Variants in FGFR1 observed in about 807,000 individuals in gnomAD.
FGFR1 encodes FGFR1/PLAG1 fusion.
In FGFR1, 18 loss-of-function variants were observed where a neutral mutation model predicts 93.7. The observed-to-expected ratio is 0.19, with a 90% confidence interval of 0.13 to 0.28. The LOEUF is 0.28. FGFR1 is among the 10% of genes least tolerant of loss of function. The pLI is 1.00. For synonymous variants in FGFR1, 448 were observed against 429.3 expected, an observed-to-expected ratio of 1.04 and a Z score of -0.54; for missense variants, 731 against 1,080.4, an observed-to-expected ratio of 0.68 and a Z score of 4.53.
At chr8:38,445,895 T>C (rs1829120928) in intron 2 of FGFR1, among the ~76,000 whole-genome samples, 1 of 152,038 alleles carries the variant, frequency 6.6e-6, no homozygotes, top group African/African-American at 2.4e-5. Context: ...CTTCATTCAG[T>C]AGTTAGTAAA....
At chr8:38,419,383 G>T (rs868576023) in intron 9 of FGFR1, 150 bp downstream of exon 9, 165 of 751,536 alleles carry the variant, frequency 2.2e-4, no homozygotes, top group Admixed American at 5.6e-4. Context: ...ACAGACTCTA[G>T]AGCACTTAGT....
chr8:38,415,702 CTCCTGACTCTGCAGT>C (rs1816280122), intron 13 of FGFR1, 153 bp downstream of exon 13: 1 of 731,628 alleles, frequency 1.4e-6, no homozygotes. Flanking sequence ...TACACTGGTG[CTCCTGACTCTGCAGT>C]TCCCAGAGAG....
At chr8:38,454,566 C>A (rs1832143120) in intron 2 of FGFR1, among the ~76,000 whole-genome samples, 1 of 152,166 alleles carries the variant, frequency 6.6e-6, no homozygotes, top group African/African-American at 2.4e-5. Context: ...CTTCCTCTAT[C>A]ATCTCCCAGT....
At chr8:38,432,562 G>A (rs1233172435) in intron 2 of FGFR1, among the ~76,000 whole-genome samples, 3 of 151,922 alleles carry the variant, frequency 2.0e-5, no homozygotes, top group Admixed American at 6.6e-5. Flanking sequence ...ACAGGCATGC[G>A]CCACCATGCC....
At position 38,429,575 on chromosome 8, in the gene FGFR1, G is replaced by A. The variant is rs758902032; in HGVS notation, c.358+107C>T. The A allele has an allele frequency of 9.9e-6, 12 of 1,209,482 alleles. No homozygotes were observed. The highest frequency in any genetic ancestry group is 1.4e-5 in the Non-Finnish European group (12 of 852,338). The allele number at this position is 1,209,482 out of a possible 1,614,324, so 74.9% of individuals were successfully genotyped here. The stretch of plus-strand genomic sequence containing the variant: ...TGGGCAGCAGTTTCTGAAGCAGAGT[G>A]GGGGCAGATCACGGAGGGGGAGGAG... On this transcript the variant is annotated intron_variant, in intron 3 of 17. Coordinates refer to ENST00000447712, the MANE Select transcript of FGFR1 (RefSeq NM_023110.3). This position sits in a 1 kb window ranked among gnomAD's most constrained non-coding sequence, Gnocchi z 4.4.
chr8:38,465,956 A>G, intron 1 of FGFR1: 1 of 228,656 alleles, frequency 4.4e-6, no homozygotes. Context: ...CCGCCCAAAG[A>G]AGGAAACCAG....
intron 2 of FGFR1, among the ~76,000 whole-genome samples, chr8:38,445,128 T>G (rs1013028303): frequency 1.3e-5 from 2 of 152,188 alleles, no homozygotes; most frequent in Admixed American, 6.5e-5. Context: ...TAGAGGGGCA[T>G]CGCTTACTGG....
At chr8:38,440,233 CG>C in intron 2 of FGFR1, 2 of 1,323,880 alleles carry the variant, frequency 1.5e-6, no homozygotes, top group Non-Finnish European at 2.1e-6. Context: ...AACAGCGCAG[CG>C]GGGCTCCGGG....
intron 12 of FGFR1, 94 bp from the exon 13 acceptor site, chr8:38,416,154 G>A: frequency 9.2e-7 from 1 of 1,083,622 alleles, no homozygotes; most frequent in Non-Finnish European, 1.4e-6. Context: ...GCACACCCCG[G>A]CCAACCTCCC....
At chr8:38,433,539 AC>A (rs1824085380) in intron 2 of FGFR1, among the ~76,000 whole-genome samples, 1 of 152,046 alleles carries the variant, frequency 6.6e-6, no homozygotes, top group African/African-American at 2.4e-5. Flanking sequence ...TGAACTCCAG[AC>A]CTTAAGTGAT....
rs1814382006 is a variant in FGFR1, at chr8:38,411,383, G to A, written c.*2245C>T. 2 of 220,996 alleles carry A rather than the reference G, an allele frequency of 9.0e-6. No individual in the cohort carries two copies. The highest frequency in any genetic ancestry group is 9.1e-6 in the Non-Finnish European group (1 of 110,376). The allele number at this position is 220,996 out of a possible 1,614,324, so 13.7% of individuals were successfully genotyped here. The stretch of plus-strand genomic sequence containing the variant: ...TTACAAGGAAAGACACTCCTGTGCG[G>A]TCTCAAAGCAAATGCTTTTAAGAGC... On this transcript the variant is annotated 3_prime_UTR_variant, in exon 18 of 18. Coordinates refer to ENST00000447712, the MANE Select transcript of FGFR1 (RefSeq NM_023110.3).
intron 2 of FGFR1, 79 bp from the exon 3 acceptor site, chr8:38,430,027 A>C: frequency 2.1e-6 from 3 of 1,418,050 alleles, no homozygotes; most frequent in Non-Finnish European, 2.9e-6. Context: ...GGGAGAGACA[A>C]AGGGAATTAC....
chr8:38,420,059 G>C, intron 8 of FGFR1: 2 of 374,108 alleles, frequency 5.3e-6, no homozygotes, highest in Non-Finnish European at 1.0e-5. Context: ...ATCCTGCAAG[G>C]GCCAGCTGAG....
intron 1 of FGFR1, chr8:38,461,131 G>C (rs1347535336): frequency 6.5e-7 from 1 of 1,536,060 alleles, no homozygotes. Flanking sequence ...AAGACTGAAT[G>C]GGCTGCATGG....
At chr8:38,418,720 C>T (rs1250182940) in intron 9 of FGFR1, 1 of 359,822 alleles carries the variant, frequency 2.8e-6, no homozygotes, top group African/African-American at 2.1e-5. Context: ...TTCCTAACTC[C>T]CAAAGCACCT....
chr8:38,426,052 C>T lies in FGFR1; in HGVS notation c.745+70G>A. ...ACTCTGCCCCTAAGAAACCTGGACA[C>T]CCCGGCTGTGTTCTCCAAGCCTGGC... is the stretch of plus-strand genomic sequence containing the variant. On this transcript the variant is annotated intron_variant, in intron 6 of 17. Coordinates refer to ENST00000447712, the MANE Select transcript of FGFR1 (RefSeq NM_023110.3). This position sits in a 1 kb window ranked among gnomAD's most constrained non-coding sequence, Gnocchi z 4.1. 1 of 1,609,152 alleles carries T rather than the reference C, an allele frequency of 6.2e-7. No individual in the cohort carries two copies. The highest frequency in any genetic ancestry group is 8.5e-7 in the Non-Finnish European group (1 of 1,177,302).
intron 2 of FGFR1, among the ~76,000 whole-genome samples, chr8:38,446,424 T>C (rs1042852002): frequency 4.0e-5 from 6 of 151,638 alleles, no homozygotes; most frequent in African/African-American, 1.5e-4. Context: ...TTGCCCAGGC[T>C]GGTCTCGAAC....
chr8:38,419,840 T>C (rs1309496431), intron 8 of FGFR1, 105 bp from the exon 9 acceptor site: 6 of 958,310 alleles, frequency 6.3e-6, no homozygotes, highest in Non-Finnish European at 9.6e-6. Context: ...CTGGGAACTT[T>C]TAGGGAGAAG....
At position 38,419,700 on chromosome 8, in the gene FGFR1, G is replaced by A. The variant is rs2150713775; in HGVS notation, c.1117C>T (p.Leu373=). 1.2e-6 allele frequency: 2 copies of A among 1,614,180 alleles called. No individual in the cohort carries two copies. The highest frequency in any genetic ancestry group is 1.7e-6 in the Non-Finnish European group (2 of 1,180,028). ...EERPAVMTSP[L]YLEIIIYCTG... ...CAATAGATGATGATCTCCAGGTACA[G>A]GGGCGAGGTCATCACTGCCGGCCTC... Residue 373 remains leucine (L), a synonymous_variant, in exon 9 of 18, where the codon CTG becomes TTG. Coordinates refer to ENST00000447712, the MANE Select transcript of FGFR1 (RefSeq NM_023110.3).
Sources: gnomAD v4.1 joint callset for allele counts (sites outside exome capture counted in the v4.1 genomes callset) on GRCh38, gnomAD v4.1.1 for gene constraint, Gnocchi (gnomAD v3.1) non-coding constraint, MANE v1.5 for transcripts, NCBI Gene and HGNC (gene_info 2026-07-23, HGNC 2026-07-21) for gene names.